Variants in WDPCP observed in about 807,000 individuals in gnomAD.
The protein encoded by WDPCP is WD repeat-containing and planar cell polarity effector protein fritz homolog.
WDPCP carries 71 observed loss-of-function variants against 93.1 expected under a neutral mutation model. The observed-to-expected ratio is 0.76, with a 90% CI of 0.63 to 0.93. The LOEUF (loss-of-function observed/expected upper bound fraction) is 0.93, where lower values mean the gene tolerates loss of function less well. Among genes scored for constraint, WDPCP ranks in the 40% least tolerant of loss-of-function variants. The pLI is 0.00. For missense variants in WDPCP, 844 were observed against 887.4 expected, an observed-to-expected ratio of 0.95 and a Z score of 0.62; for synonymous variants, 315 against 315.0, an observed-to-expected ratio of 1.00 and a Z score of 0.00.
At chr2:63,413,834 A>G (rs1290714953) in intron 9 of WDPCP, among the ~76,000 whole-genome samples, 4 of 152,076 alleles carry the variant, frequency 2.6e-5, no homozygotes, top group Non-Finnish European at 5.9e-5. Context: ...AATAGCTGGG[A>G]CTTAATTAAA....
chr2:63,721,934 T>C (rs1217514028), intron 2 of WDPCP, among the ~76,000 whole-genome samples: 1 of 152,178 alleles, frequency 6.6e-6, no homozygotes, highest in Non-Finnish European at 1.5e-5. Flanking sequence ...TTTCGCTGTG[T>C]TGGCCAGGCC....
chr2:63,296,450 A>G (rs867765615), intron 13 of WDPCP, among the ~76,000 whole-genome samples: 4 of 152,314 alleles, frequency 2.6e-5, no homozygotes, highest in South Asian at 2.1e-4. Flanking sequence ...AGCTGCAGCA[A>G]TCAGGCAAGA....
chr2:63,840,357 T>C, the WDPCP span, among the ~76,000 whole-genome samples: 31 of 152,200 alleles, frequency 2.0e-4, no homozygotes, highest in Non-Finnish European at 4.0e-4. Context: ...AAGAAAAGCA[T>C]CTCTTGAGGA....
chr2:63,735,647 G>A (rs192683736), intron 2 of WDPCP, among the ~76,000 whole-genome samples: 16 of 152,304 alleles, frequency 1.1e-4, no homozygotes, highest in African/African-American at 3.6e-4. Flanking sequence ...AAGGGTCGGA[G>A]GAAGGGGCCC....
At chr2:63,604,794 G>A (rs1709496030) in intron 3 of WDPCP, 1 of 1,614,060 alleles carries the variant, frequency 6.2e-7, no homozygotes, top group African/African-American at 1.3e-5. Flanking sequence ...ACCATGCCAA[G>A]GTGAAATTGC....
chr2:63,138,807 G>C (rs1670834794), intron 17 of WDPCP, among the ~76,000 whole-genome samples: 1 of 151,976 alleles, frequency 6.6e-6, no homozygotes, highest in Non-Finnish European at 1.5e-5. Context: ...CATCAAATAT[G>C]GGTATACACT....
At position 63,243,377 on chromosome 2, in the gene WDPCP, AT is replaced by A. The variant is rs1373855893; in HGVS notation, c.1915+15929del. Among the ~76,000 whole-genome samples, 4 of 151,500 alleles carry A rather than the reference AT, an allele frequency of 2.6e-5. No homozygotes were observed. In the East Asian group the frequency reaches 7.8e-4, roughly 29 times the overall value. On this transcript the variant is annotated intron_variant, in intron 14 of 17. Transcript: ENST00000272321. ...TCCTTTGCCCACTTTTAATTGGGTT[AT>A]TTTTTTCTTGTGATTTATTTAATTT...
chr2:63,715,976 G>T (rs1040362772), intron 2 of WDPCP, among the ~76,000 whole-genome samples: 5 of 152,206 alleles, frequency 3.3e-5, no homozygotes, highest in Admixed American at 3.3e-4. Flanking sequence ...CTTCCCAGAG[G>T]AAAGAGGAAA....
chr2:63,593,581 C>G (rs749161514), upstream of WDPCP: 3 of 471,366 alleles, frequency 6.4e-6, no homozygotes, highest in Non-Finnish European at 1.3e-5. Flanking sequence ...AAAAAGAAAC[C>G]AAACACTTCT....
chr2:63,640,840 AT>A (rs1233032744), intron 3 of WDPCP, among the ~76,000 whole-genome samples: 1 of 152,102 alleles, frequency 6.6e-6, no homozygotes, highest in African/African-American at 2.4e-5. Flanking sequence ...TTTTTTAGTT[AT>A]TTTTAAATGT....
At chr2:63,780,427 G>A (rs900489200) in intron 2 of WDPCP, among the ~76,000 whole-genome samples, 1 of 152,152 alleles carries the variant, frequency 6.6e-6, no homozygotes, top group African/African-American at 2.4e-5. Context: ...AATACAATCT[G>A]GAAGAAAGAG....
At chr2:63,725,061 T>G (rs541466610) in intron 2 of WDPCP, among the ~76,000 whole-genome samples, 1 of 152,284 alleles carries the variant, frequency 6.6e-6, no homozygotes, top group South Asian at 2.1e-4. Flanking sequence ...CAACTTTTAT[T>G]TTAGGTTCAG....
At chr2:63,722,304 C>G (rs1284083344) in intron 2 of WDPCP, among the ~76,000 whole-genome samples, 5 of 151,282 alleles carry the variant, frequency 3.3e-5, no homozygotes, top group Non-Finnish European at 7.4e-5. Context: ...GCCCGGCCGC[C>G]ATCACATCTA....
intron 4 of WDPCP, 134 bp downstream of exon 4, chr2:63,486,408 T>A: frequency 1.4e-6 from 1 of 698,128 alleles, no homozygotes. Flanking sequence ...GTTACTTATA[T>A]GTTTATATTC....
chr2:63,288,399 C>A (rs1684165331), intron 13 of WDPCP, among the ~76,000 whole-genome samples: 1 of 152,150 alleles, frequency 6.6e-6, no homozygotes. Flanking sequence ...GTCCTAAAGA[C>A]AAAGAATTAA....
In WDPCP at chr2:63,809,092, G is replaced by A. The variant is rs1446117818; in HGVS notation, n.308+4530C>T. 2.0e-5 allele frequency among the ~76,000 whole-genome samples: 3 copies of A among 151,714 alleles called. No homozygotes were observed. The East Asian group carries it at 5.9e-4, about 30-fold the overall frequency. On this transcript the variant is annotated intron_variant and non_coding_transcript_variant, in intron 2 of 4. Coordinates refer to the WDPCP transcript ENST00000467687. ...GGCCGCCCCGTCTGAGAAGTGAGGA[G>A]TCCCTCCGCCCGGCAGCCGCCCTGT...
intron 2 of WDPCP, among the ~76,000 whole-genome samples, chr2:63,808,884 T>C (rs1363889417): frequency 6.8e-6 from 1 of 147,664 alleles, no homozygotes; most frequent in Admixed American, 6.7e-5. Context: ...CGCCATCCCA[T>C]CTAGGAAATG....
the WDPCP span, among the ~76,000 whole-genome samples, chr2:63,838,337 T>C: frequency 6.6e-6 from 1 of 152,240 alleles, no homozygotes; most frequent in Non-Finnish European, 1.5e-5. Context: ...GGTGAGGTTG[T>C]TATACATCCT....
At chr2:63,819,944 G>A (rs918874578) in intron 1 of WDPCP, among the ~76,000 whole-genome samples, 6 of 152,254 alleles carry the variant, frequency 3.9e-5, no homozygotes, top group African/African-American at 1.4e-4. Context: ...TCAGAAGCAT[G>A]GATTACTTCC....
Sources: gnomAD v4.1 joint callset for allele counts (sites outside exome capture counted in the v4.1 genomes callset) on GRCh38, gnomAD v4.1.1 for gene constraint, MANE v1.5 for transcripts, NCBI Gene and HGNC (gene_info 2026-07-23, HGNC 2026-07-21) for gene names.